The following CSMD1 variants were observed in gnomAD, a reference collection of about 807,000 sequenced individuals.
CSMD1 encodes CUB and Sushi multiple domains 1.
Under a neutral mutation model 417.5 loss-of-function variants are expected in CSMD1, and 213 were observed. The ratio of observed to expected loss-of-function variants is 0.51; its 90% CI spans 0.46 to 0.57. The LOEUF is 0.57. CSMD1 is among the 20% of genes least tolerant of loss of function. The pLI is 0.00. For synonymous variants in CSMD1, 2,862 were observed against 1,736.8 expected (o/e 1.65, Z -16.11); for missense variants, 6,923 against 4,529.7 (o/e 1.53, Z -15.17).
chr8:3,707,959 C>T (rs574824963), intron 7 of CSMD1, among the ~76,000 whole-genome samples: 28 of 152,314 alleles, frequency 1.8e-4, no homozygotes, highest in South Asian at 6.2e-4. Context: ...CTTGTTTTCT[C>T]TTTGGAAGGA....
intron 3 of CSMD1, among the ~76,000 whole-genome samples, chr8:4,063,223 A>C (rs917365339): frequency 6.6e-6 from 1 of 152,152 alleles, no homozygotes; most frequent in African/African-American, 2.4e-5. Flanking sequence ...CTTTGTGTGC[A>C]TATTTCAAAA....
At chr8:4,194,770 A>C (rs181808197) in intron 3 of CSMD1, among the ~76,000 whole-genome samples, 1 of 152,260 alleles carries the variant, frequency 6.6e-6, no homozygotes, top group East Asian at 1.9e-4. Context: ...TAACACATAT[A>C]AAACATTCAC....
intron 3 of CSMD1, among the ~76,000 whole-genome samples, chr8:4,042,305 T>C (rs1008047494): frequency 3.3e-5 from 5 of 152,130 alleles, no homozygotes; most frequent in African/African-American, 4.8e-5. Context: ...GTAGGAGTAA[T>C]GTTCTGTGTA....
rs567782309 is a variant in CSMD1 at position 4,846,544 on chromosome 8, C to A, written c.85+147788G>T. Among the ~76,000 whole-genome samples the A allele has an allele frequency of 4.6e-5, 7 of 152,312 alleles. No homozygotes were observed. In the South Asian group the frequency reaches 1.5e-3, roughly 32 times the overall value. On this transcript the variant is annotated intron_variant, in intron 1 of 69. Coordinates refer to ENST00000635120, the MANE Select transcript of CSMD1 (RefSeq NM_033225.6). ...GCTGTTTTGGTCCAGCCACAGGCTCCTGTAAGATTCTGCTTTAAACTCATG... is the reference window on the plus strand; with the variant it reads ...GCTGTTTTGGTCCAGCCACAGGCTCATGTAAGATTCTGCTTTAAACTCATG...
chr8:3,356,630 G>C (rs574006596), intron 21 of CSMD1, among the ~76,000 whole-genome samples: 1 of 152,322 alleles, frequency 6.6e-6, no homozygotes, highest in Admixed American at 6.5e-5. Context: ...AGCCGAGATC[G>C]TGCCACTGCA....
chr8:4,715,948 T>A (rs74913187), intron 1 of CSMD1, among the ~76,000 whole-genome samples: 44,256 of 152,106 alleles, frequency 0.29, 7,964 homozygotes, highest in Non-Finnish European at 0.4. Flanking sequence ...GTAAATCGTC[T>A]TCGTTAAATG....
intron 3 of CSMD1, among the ~76,000 whole-genome samples, chr8:4,300,797 T>G (rs915888433): frequency 6.6e-6 from 1 of 152,174 alleles, no homozygotes; most frequent in Non-Finnish European, 1.5e-5. Flanking sequence ...TGGTTTTTTG[T>G]CCTGGCAATA....
In CSMD1 at chr8:3,359,246, G is replaced by C. The variant is rs747421584; in HGVS notation, c.3210C>G (p.Ser1070=). 6.2e-6 allele frequency: 10 copies of C among 1,613,878 alleles called. No individual in the cohort carries two copies. The South Asian group carries it at 9.9e-5, about 16-fold the overall frequency. Residue 1070 remains serine, a synonymous_variant, in exon 21 of 70, where the codon TCC becomes TCG. Transcript: ENST00000635120. The stretch of plus-strand genomic sequence containing the variant: ...CTTCTAAACGATATCCCAGGAAGCA[G>C]GAAAACGTCAGAGAGTCTCCCACAC... ...HFGVGDSLTF[S]CFLGYRLEGA... is the part of the protein sequence containing the mutation.
At chr8:3,891,975 G>T (rs905283341) in intron 5 of CSMD1, among the ~76,000 whole-genome samples, 2 of 152,024 alleles carry the variant, frequency 1.3e-5, no homozygotes, top group African/African-American at 4.8e-5. Flanking sequence ...CACAGCATCG[G>T]CTACTTCAAT....
intron 12 of CSMD1, among the ~76,000 whole-genome samples, chr8:3,439,151 AACCAAG>A (rs1814779439): frequency 2.8e-5 from 3 of 108,146 alleles, no homozygotes; most frequent in African/African-American, 1.3e-4. Context: ...AAAAAAAAAA[AACCAAG>A]AAAAAAAAAA....
intron 49 of CSMD1, among the ~76,000 whole-genome samples, chr8:3,058,423 T>A (rs1812378063): frequency 6.6e-6 from 1 of 152,220 alleles, no homozygotes; most frequent in Non-Finnish European, 1.5e-5. Flanking sequence ...ACAATTTGCA[T>A]TACCAACTTT....
intron 31 of CSMD1, among the ~76,000 whole-genome samples, chr8:3,205,142 A>G (rs557747946): frequency 1.3e-5 from 2 of 152,326 alleles, no homozygotes; most frequent in East Asian, 3.9e-4. Context: ...CCATTCATGC[A>G]CAGACATATA....
At position 3,071,950 on chromosome 8, in the gene CSMD1, G is replaced by A. The variant is rs558181242; in HGVS notation, c.7474+15147C>T. 5.9e-5 allele frequency among the ~76,000 whole-genome samples: 9 copies of A among 152,266 alleles called. No homozygotes were observed. In the East Asian group the frequency reaches 1.7e-3, roughly 29 times the overall value. On this transcript the variant is annotated intron_variant, in intron 49 of 69. Coordinates refer to ENST00000635120, the MANE Select transcript of CSMD1 (RefSeq NM_033225.6). ...ACTGTTTTACTCCTCATGACACCTG[G>A]AAGCAACCCTTCCAGTAAAAGAAAT...
At chr8:4,578,014 C>T (rs1799218602) in intron 2 of CSMD1, among the ~76,000 whole-genome samples, 2 of 152,128 alleles carry the variant, frequency 1.3e-5, no homozygotes, top group African/African-American at 4.8e-5. Context: ...ATTTGGTGGA[C>T]CCAGGGCTCG....
At chr8:3,495,738 A>C (rs996055097) in intron 10 of CSMD1, among the ~76,000 whole-genome samples, 1 of 152,206 alleles carries the variant, frequency 6.6e-6, no homozygotes, top group African/African-American at 2.4e-5. Flanking sequence ...TGCAAATGAA[A>C]ACTGAAGACA....
chr8:3,524,963 C>T (rs926676195), intron 10 of CSMD1, among the ~76,000 whole-genome samples: 2 of 152,134 alleles, frequency 1.3e-5, no homozygotes, highest in African/African-American at 2.4e-5. Flanking sequence ...GCACACTGTA[C>T]ACTCATTAGG....
Position 3,214,502 on chromosome 8 carries a change from C to A in CSMD1, c.4862G>T (p.Cys1621Phe). ...KPSWDQVLPSCNAPCGGQYTG... is the reference protein window; with the variant it reads ...KPSWDQVLPSFNAPCGGQYTG... Reference sequence around the variant, plus strand: ...ATACCCAAGCGTGCACTCACCATTGCAGGAGGGCAGCACTTGGTCCCAGGA... The same window carrying A: ...ATACCCAAGCGTGCACTCACCATTGAAGGAGGGCAGCACTTGGTCCCAGGA... Residue 1621 changes from cysteine (C) to phenylalanine (F), a missense_variant, in exon 30 of 70, where the codon TGC (cysteine) becomes TTC (phenylalanine). Cys to Phe is a radical substitution (Grantham distance 205). Coordinates refer to ENST00000635120, the MANE Select transcript of CSMD1 (RefSeq NM_033225.6). 6.3e-7 allele frequency: 1 copy of A among 1,591,268 alleles called. No homozygotes were observed.
chr8:4,461,698 ACAC>A (rs1162048622), intron 2 of CSMD1, among the ~76,000 whole-genome samples: 1 of 150,626 alleles, frequency 6.6e-6, no homozygotes, highest in Non-Finnish European at 1.5e-5. Context: ...CCATGGGCAA[ACAC>A]CACCATAGCC....
At chr8:4,198,410 G>C (rs533937390) in intron 3 of CSMD1, among the ~76,000 whole-genome samples, 1 of 152,312 alleles carries the variant, frequency 6.6e-6, no homozygotes, top group African/African-American at 2.4e-5. Flanking sequence ...AGAATTTTCA[G>C]ATTGGCAATA....
Sources: gnomAD v4.1 joint callset for allele counts (sites outside exome capture counted in the v4.1 genomes callset) on GRCh38, gnomAD v4.1.1 for gene constraint, MANE v1.5 for transcripts, NCBI Gene and HGNC (gene_info 2026-07-23, HGNC 2026-07-21) for gene names.